Variants in TAFA1 observed in about 807,000 individuals in gnomAD.
The protein encoded by TAFA1 is chemokine-like protein TAFA-1.
A neutral mutation model predicts 18.5 loss-of-function variants in TAFA1; 4 were observed. The ratio of observed to expected loss-of-function variants is 0.22; its 90% CI spans 0.11 to 0.49. TAFA1 has a LOEUF of 0.49. TAFA1 is among the 20% of genes least tolerant of loss of function. TAFA1 has a pLI of 0.98. For synonymous variants in TAFA1, 56 were observed against 55.2 expected (o/e 1.01, Z -0.06); for missense variants, 147 against 169.0 (o/e 0.87, Z 0.72).
At chr3:68,496,268 A>C (rs1397714020) in intron 3 of TAFA1, among the ~76,000 whole-genome samples, 1 of 152,192 alleles carries the variant, frequency 6.6e-6, no homozygotes, top group Non-Finnish European at 1.5e-5. Flanking sequence ...AATATTGAGT[A>C]GTTGACTGTA....
intron 2 of TAFA1, among the ~76,000 whole-genome samples, chr3:68,115,683 G>C (rs2065316869): frequency 6.6e-6 from 1 of 152,168 alleles, no homozygotes; most frequent in Admixed American, 6.5e-5. Context: ...CAGTTTTGCA[G>C]ACCGGTCAGC....
intron 2 of TAFA1, among the ~76,000 whole-genome samples, chr3:68,230,614 T>C (rs752114319): frequency 8.5e-5 from 13 of 152,216 alleles, no homozygotes; most frequent in Non-Finnish European, 1.6e-4. Context: ...TATAGTGATT[T>C]TCCTTCCTTT....
chr3:68,170,466 C>G (rs2066038632), intron 2 of TAFA1, among the ~76,000 whole-genome samples: 1 of 151,980 alleles, frequency 6.6e-6, no homozygotes, highest in Admixed American at 6.6e-5. Flanking sequence ...GTACAAGTGG[C>G]ACAAAAGGAG....
At chr3:68,157,083 A>T (rs2065875419) in intron 2 of TAFA1, among the ~76,000 whole-genome samples, 1 of 152,216 alleles carries the variant, frequency 6.6e-6, no homozygotes, top group South Asian at 2.1e-4. Flanking sequence ...GTTCAGATTG[A>T]CTTAAACAAT....
chr3:68,434,635 ATTTACACATAACT>A (rs2071238095), intron 3 of TAFA1, among the ~76,000 whole-genome samples: 1 of 152,106 alleles, frequency 6.6e-6, no homozygotes, highest in Non-Finnish European at 1.5e-5. Context: ...ATCAGGATGA[ATTTACACATAACT>A]TGTGACCAAA....
At chr3:68,163,179 A>G (rs980393381) in intron 2 of TAFA1, among the ~76,000 whole-genome samples, 3 of 152,216 alleles carry the variant, frequency 2.0e-5, no homozygotes, top group African/African-American at 4.8e-5. Flanking sequence ...TCTTTTCTAC[A>G]TATTAATCAT....
chr3:68,496,045 C>G (rs1243648275), intron 3 of TAFA1, among the ~76,000 whole-genome samples: 3 of 143,632 alleles, frequency 2.1e-5, no homozygotes, highest in Non-Finnish European at 3.0e-5. Flanking sequence ...AACAGACCTT[C>G]TCAAATCAAA....
At chr3:68,437,449 A>C (rs2071284530) in intron 3 of TAFA1, among the ~76,000 whole-genome samples, 1 of 152,140 alleles carries the variant, frequency 6.6e-6, no homozygotes, top group African/African-American at 2.4e-5. Context: ...TATTTCTTAC[A>C]GTTCTGAAGG....
intron 2 of TAFA1, among the ~76,000 whole-genome samples, chr3:68,352,840 C>A (rs1475767084): frequency 6.6e-6 from 1 of 151,922 alleles, no homozygotes; most frequent in African/African-American, 2.4e-5. Flanking sequence ...GACCTGGAAG[C>A]AAAGCAAGGG....
chr3:68,060,680 G>A (rs77774539), intron 2 of TAFA1, among the ~76,000 whole-genome samples: 1 of 152,116 alleles, frequency 6.6e-6, no homozygotes, highest in African/African-American at 2.4e-5. Flanking sequence ...TGTCTCTTGG[G>A]TCAGTCTCTG....
At chr3:68,311,307 T>G (rs12633022) in intron 2 of TAFA1, among the ~76,000 whole-genome samples, 751 of 7,412 alleles carry the variant, frequency 0.1, 8 homozygotes, top group African/African-American at 0.37. Context: ...TCTCTCAAAT[T>G]TCATCAAAAC....
At chr3:68,445,664 A>C (rs1559673349) in intron 3 of TAFA1, among the ~76,000 whole-genome samples, 1 of 152,100 alleles carries the variant, frequency 6.6e-6, no homozygotes, top group Non-Finnish European at 1.5e-5. Flanking sequence ...CTCCAGTATT[A>C]GCATGCATCA....
chr3:68,059,959 CT>C (rs1214211466), intron 2 of TAFA1, among the ~76,000 whole-genome samples: 4 of 151,962 alleles, frequency 2.6e-5, no homozygotes, highest in Non-Finnish European at 5.9e-5. Context: ...GCCTCCTCCT[CT>C]GGGGGCTAGA....
At chr3:68,482,480 T>C (rs986788421) in intron 3 of TAFA1, among the ~76,000 whole-genome samples, 1 of 152,184 alleles carries the variant, frequency 6.6e-6, no homozygotes, top group Admixed American at 6.5e-5. Context: ...AGAATGGGTA[T>C]AGAAATCACC....
At chr3:68,379,982 G>A (rs1326212491) in intron 2 of TAFA1, among the ~76,000 whole-genome samples, 6 of 149,474 alleles carry the variant, frequency 4.0e-5, no homozygotes, top group South Asian at 2.1e-4. Context: ...TGTTCTAATC[G>A]TTCAACTCCC....
chr3:68,406,884 G>T (rs1375284246), intron 2 of TAFA1, among the ~76,000 whole-genome samples: 1 of 152,134 alleles, frequency 6.6e-6, no homozygotes, highest in African/African-American at 2.4e-5. Flanking sequence ...GTGCACCTTT[G>T]GGTGAAATGT....
At chr3:68,440,376 C>G (rs2071353672) in intron 3 of TAFA1, among the ~76,000 whole-genome samples, 1 of 151,912 alleles carries the variant, frequency 6.6e-6, no homozygotes, top group Non-Finnish European at 1.5e-5. Context: ...TGAAAATGGA[C>G]TAATACAGAA....
At chr3:68,138,074 A>G (rs2065628957) in intron 2 of TAFA1, among the ~76,000 whole-genome samples, 1 of 152,100 alleles carries the variant, frequency 6.6e-6, no homozygotes, top group Non-Finnish European at 1.5e-5. Flanking sequence ...ATATATTTGT[A>G]TATACCTAAG....
chr3:68,429,269 T>G (rs886893330), intron 3 of TAFA1, among the ~76,000 whole-genome samples: 1 of 151,924 alleles, frequency 6.6e-6, no homozygotes, highest in African/African-American at 2.4e-5. Flanking sequence ...ACTGGTAATT[T>G]TACTGGTTTG....
Sources: allele counts gnomAD v4.1 joint callset (sites outside exome capture counted in the v4.1 genomes callset), GRCh38; gene constraint gnomAD v4.1.1; transcripts MANE v1.5; gene names NCBI Gene and HGNC (gene_info 2026-07-23, HGNC 2026-07-21).